The following IARS1 variants were observed in gnomAD, a reference collection of about 807,000 sequenced individuals.
IARS1 encodes the protein isoleucyl-tRNA synthetase 1.
Under a neutral mutation model 168.2 loss-of-function variants are expected in IARS1, and 124 were observed. The ratio of observed to expected loss-of-function variants is 0.74; its 90% confidence interval spans 0.64 to 0.86. The LOEUF is 0.86. Ranked by LOEUF, IARS1 falls within the 40% of genes least tolerant of loss-of-function variation. IARS1 has a pLI of 0.00. For synonymous variants in IARS1, 532 were observed against 529.4 expected (o/e 1.00, Z -0.07); for missense variants, 1,452 against 1,515.8 (o/e 0.96, Z 0.70).
intron 20 of IARS1, among the ~76,000 whole-genome samples, chr9:92,256,138 C>A (rs1830681381): frequency 6.6e-6 from 1 of 151,344 alleles, no homozygotes; most frequent in Non-Finnish European, 1.5e-5. Context: ...TTCTGTGGAG[C>A]ATTGAGACCA....
At chr9:92,275,602 T>C (rs1833671934) in intron 9 of IARS1, among the ~76,000 whole-genome samples, 1 of 152,222 alleles carries the variant, frequency 6.6e-6, no homozygotes, top group African/African-American at 2.4e-5. Flanking sequence ...CATGTATACT[T>C]AGTTACATGT....
chr9:92,210,911 G>GA (rs35288957), intron 33 of IARS1, 22 bp from the exon 34 acceptor site: 115 of 1,468,040 alleles, frequency 7.8e-5, no homozygotes, highest in East Asian at 1.6e-4. Context: ...AGAAAAAGTT[G>GA]AAAAAAAATC....
intron 33 of IARS1, among the ~76,000 whole-genome samples, chr9:92,215,616 G>A (rs1038917566): frequency 3.3e-5 from 5 of 152,012 alleles, no homozygotes; most frequent in Admixed American, 1.3e-4. Context: ...CGAGAACTAC[G>A]TGAAGAATGC....
At chr9:92,229,718 C>T (rs968172652) in intron 30 of IARS1, among the ~76,000 whole-genome samples, 1 of 152,172 alleles carries the variant, frequency 6.6e-6, no homozygotes, top group Admixed American at 6.5e-5. Flanking sequence ...CCAGTTTCCC[C>T]TAATGGTGAC....
At chr9:92,250,594 TG>T in intron 23 of IARS1, 118 bp downstream of exon 23, 2 of 1,161,532 alleles carry the variant, frequency 1.7e-6, no homozygotes, top group Non-Finnish European at 2.4e-6. Context: ...TCATGTCAGC[TG>T]GGGCGGGAGG....
chr9:92,290,195 T>G (rs1443860379), intron 1 of IARS1, among the ~76,000 whole-genome samples: 1 of 152,204 alleles, frequency 6.6e-6, no homozygotes, highest in Non-Finnish European at 1.5e-5. Flanking sequence ...GATTCTAATT[T>G]CTTCAGATCT....
chr9:92,259,753 T>A (rs1012420423), intron 18 of IARS1, among the ~76,000 whole-genome samples: 2 of 152,216 alleles, frequency 1.3e-5, no homozygotes, highest in African/African-American at 4.8e-5. Context: ...TGAGTTTTTT[T>A]ATCACCTCTA....
chr9:92,272,257 C>A (rs1833152309), intron 10 of IARS1, among the ~76,000 whole-genome samples: 1 of 152,194 alleles, frequency 6.6e-6, no homozygotes, highest in African/African-American at 2.4e-5. Flanking sequence ...TGGGTTGACT[C>A]CAAGACAAGC....
intron 31 of IARS1, among the ~76,000 whole-genome samples, chr9:92,227,889 C>A (rs1282751287): frequency 6.6e-6 from 1 of 151,074 alleles, no homozygotes; most frequent in Admixed American, 6.6e-5. Context: ...ACATCCCAGA[C>A]GATTGGCAGC....
chr9:92,253,184 A>ATC (rs1478300157), intron 21 of IARS1, among the ~76,000 whole-genome samples, 178 bp downstream of exon 21: 3 of 152,204 alleles, frequency 2.0e-5, no homozygotes, highest in Non-Finnish European at 2.9e-5. Context: ...GAACTTATAG[A>ATC]TCCCTATCCC....
intron 21 of IARS1, among the ~76,000 whole-genome samples, chr9:92,252,852 G>A (rs73516544): frequency 0.011 from 1,541 of 139,568 alleles, 34 homozygotes; most frequent in African/African-American, 0.039. Flanking sequence ...AAGAGACCTC[G>A]CTCTCTCTAT....
At chr9:92,231,358 G>GTA (rs1271731225) in intron 30 of IARS1, among the ~76,000 whole-genome samples, 1 of 151,050 alleles carries the variant, frequency 6.6e-6, no homozygotes, top group Non-Finnish European at 1.5e-5. Flanking sequence ...CTGCTTATCT[G>GTA]TATGCTTATA....
chr9:92,258,599 AAAC>A (rs144335291), intron 19 of IARS1, among the ~76,000 whole-genome samples: 16,317 of 152,088 alleles, frequency 0.11, 1,032 homozygotes, highest in South Asian at 0.21. Flanking sequence ...TCAAAAACAA[AAAC>A]AACAACTGGC....
At chr9:92,212,554 T>C (rs1199107101) in intron 33 of IARS1, among the ~76,000 whole-genome samples, 4 of 152,168 alleles carry the variant, frequency 2.6e-5, no homozygotes, top group Non-Finnish European at 5.9e-5. Flanking sequence ...TGCCACTGCA[T>C]TTGCTTGCAA....
Position 92,253,428 on chromosome 9 carries a change from A to T in IARS1, c.2163T>A (p.Pro721=). 1.2e-6 allele frequency: 2 copies of T among 1,613,518 alleles called. No individual in the cohort carries two copies. Among genetic ancestry groups the T allele is most frequent in the Non-Finnish European group, 1.7e-6 (2 of 1,179,432 alleles). ...MAAYRLYTVV[P]RLVKFVDILT... ...GAATATCTACAAACTTGACCAGGCGAGGCACCACAGTATAAAGCCTATAAG... is the reference window on the plus strand; with the variant it reads ...GAATATCTACAAACTTGACCAGGCGTGGCACCACAGTATAAAGCCTATAAG... The change falls in exon 21 of 34, where the codon CCT becomes CCA. Residue 721 remains proline, a synonymous_variant. Transcript: ENST00000443024.
At chr9:92,230,365 G>A (rs1307859501) in intron 30 of IARS1, among the ~76,000 whole-genome samples, 4 of 151,982 alleles carry the variant, frequency 2.6e-5, no homozygotes, top group East Asian at 1.9e-4. Context: ...TGCCTGCCTC[G>A]GCTTCCCAAA....
chr9:92,286,724 A>G (rs771979982), intron 4 of IARS1, 106 bp from the exon 5 acceptor site: 3 of 618,366 alleles, frequency 4.9e-6, no homozygotes, highest in Non-Finnish European at 8.5e-6. Flanking sequence ...TTGGGAAAAC[A>G]GAATAATCAA....
chr9:92,293,447 C>A (rs751621233), intron 1 of IARS1, 164 bp downstream of exon 1: 1 of 532,660 alleles, frequency 1.9e-6, no homozygotes, highest in Non-Finnish European at 3.9e-6. Flanking sequence ...CTACCTCATT[C>A]AAAAAGGCGA....
intron 19 of IARS1, 89 bp from the exon 20 acceptor site, chr9:92,256,889 C>T: frequency 7.7e-7 from 1 of 1,292,076 alleles, no homozygotes; most frequent in Non-Finnish European, 1.0e-6. Flanking sequence ...TAAACAAAAA[C>T]AAAAAGAAAA....
Sources: allele counts gnomAD v4.1 joint callset (sites outside exome capture counted in the v4.1 genomes callset), GRCh38; gene constraint gnomAD v4.1.1; transcripts MANE v1.5; gene names NCBI Gene and HGNC (gene_info 2026-07-23, HGNC 2026-07-21).